The following RNF125 variants were observed in gnomAD, a reference collection of about 807,000 sequenced individuals.
The protein encoded by RNF125 is E3 ubiquitin-protein ligase RNF125.
RNF125 carries 21 observed loss-of-function variants against 26.0 expected under a neutral mutation model. That is an observed-to-expected ratio of 0.81 (90% confidence interval 0.57 to 1.16). The LOEUF (loss-of-function observed/expected upper bound fraction) is 1.16. Among genes scored for constraint, RNF125 ranks in the 50% most tolerant of loss-of-function variants. The pLI, the probability that RNF125 is intolerant of heterozygous loss-of-function variation, is 0.00. For missense variants in RNF125, 270 were observed against 299.4 expected, an observed-to-expected ratio of 0.90 and a Z score of 0.72; for synonymous variants, 95 against 109.2, an observed-to-expected ratio of 0.87 and a Z score of 0.81.
chr18:32,057,206 G>A (rs2039393637), intron 4 of RNF125, among the ~76,000 whole-genome samples: 1 of 152,054 alleles, frequency 6.6e-6, no homozygotes, highest in African/African-American at 2.4e-5. Flanking sequence ...AGTGAATGCA[G>A]AACAGAGGAA....
At chr18:32,024,794 T>C (rs2039017514) in intron 1 of RNF125, among the ~76,000 whole-genome samples, 1 of 152,082 alleles carries the variant, frequency 6.6e-6, no homozygotes, top group African/African-American at 2.4e-5. Context: ...TAAAACTAGC[T>C]TTATTGCTGG....
Position 32,046,276 on chromosome 18 carries a change from T to G in RNF125, c.504+544T>G, listed in dbSNP as rs577857535. Among the ~76,000 whole-genome samples, 332 of 149,496 alleles carry G rather than the reference T, an allele frequency of 2.2e-3. 2 individuals are homozygous for G. The highest frequency in any genetic ancestry group is 7.8e-3 in the African/African-American group (316 of 40,700). ...CTAAGTTTAGTACACTAACTATGGT[T>G]ATAGCCATGTTTAGAACATTTAAAA... On this transcript the variant is annotated intron_variant, in intron 4 of 5. Transcript: ENST00000217740.
At chr18:32,082,903 C>G in the RNF125 span, among the ~76,000 whole-genome samples, 1 of 152,208 alleles carries the variant, frequency 6.6e-6, no homozygotes, top group Admixed American at 6.5e-5. Flanking sequence ...CCCATCCTCT[C>G]TCCCCAAACA....
chr18:32,076,315 TG>T (rs752963726), downstream of RNF125: 13 of 300,800 alleles, frequency 4.3e-5, no homozygotes, highest in African/African-American at 1.3e-4. Context: ...TTTTTTTGGT[TG>T]TTTTTTTGTT....
chr18:32,051,559 G>A (rs927472135), intron 4 of RNF125, among the ~76,000 whole-genome samples: 2 of 141,548 alleles, frequency 1.4e-5, no homozygotes, highest in African/African-American at 2.6e-5. Flanking sequence ...AGGTTGCAGT[G>A]AGCCAAAATC....
In RNF125 at chr18:32,065,967, A is replaced by G; in HGVS notation, c.570A>G (p.Arg190=). 6.2e-7 allele frequency: 1 copy of G among 1,613,108 alleles called. No individual in the cohort carries two copies. The highest frequency in any genetic ancestry group is 8.5e-7 in the Non-Finnish European group (1 of 1,179,090). Residue 190 remains arginine, a synonymous_variant, in exon 5 of 6, where the codon AGA becomes AGG. Coordinates refer to ENST00000217740, the MANE Select transcript of RNF125 (RefSeq NM_017831.4). ...NPSSFSGSLI[R]HLQVSHTLFY... ...GCAGCTTCAGTGGCAGTTTAATAAG[A>G]CATCTGCAAGTTAGTCACACTTTGT... is the stretch of plus-strand genomic sequence containing the variant.
chr18:32,072,752 C>G lies in RNF125; in HGVS notation c.*4368C>G, dbSNP rs145784873. 1.3e-5 allele frequency: 2 copies of G among 152,268 alleles called. No individual in the cohort carries two copies. The highest frequency in any genetic ancestry group is 3.9e-4 in the East Asian group (2 of 5,190). 9.4% of individuals were successfully genotyped at this position (152,268 alleles called of 1,614,324 possible). A position where few individuals can be genotyped will look rare whatever the true frequency, so the allele number is the denominator to read the frequency against. On this transcript the variant is annotated 3_prime_UTR_variant, in exon 6 of 6. Coordinates refer to ENST00000217740, the MANE Select transcript of RNF125 (RefSeq NM_017831.4). ...CTCTTTATAGTGCTTCAGGATACAACTTTTTCAGGGCCTTATTAGAGAAAA... is the reference window on the plus strand; with the variant it reads ...CTCTTTATAGTGCTTCAGGATACAAGTTTTTCAGGGCCTTATTAGAGAAAA...
intron 1 of RNF125, among the ~76,000 whole-genome samples, chr18:32,023,982 A>G (rs2039008962): frequency 6.6e-6 from 1 of 152,174 alleles, no homozygotes; most frequent in African/African-American, 2.4e-5. Context: ...CTAATAAACA[A>G]GTCCATCCAA....
chr18:32,040,292 G>A (rs1484536776), intron 2 of RNF125, among the ~76,000 whole-genome samples: 1 of 95,062 alleles, frequency 1.1e-5, no homozygotes, highest in African/African-American at 4.3e-5. Context: ...TTTTTTTTGA[G>A]ACAGAGTCTT....
intron 1 of RNF125, among the ~76,000 whole-genome samples, chr18:32,019,515 T>C (rs2144420312): frequency 6.6e-6 from 1 of 152,342 alleles, no homozygotes; most frequent in Non-Finnish European, 1.5e-5. Flanking sequence ...TTGCTGGAGC[T>C]GTGCACGTGT....
At chr18:32,047,185 C>T (rs983695063) in intron 4 of RNF125, among the ~76,000 whole-genome samples, 10 of 152,128 alleles carry the variant, frequency 6.6e-5, no homozygotes, top group Admixed American at 4.6e-4. Flanking sequence ...TACAGGCGTG[C>T]GCCACCATGC....
At chr18:32,039,358 T>G (rs892112828) in intron 2 of RNF125, among the ~76,000 whole-genome samples, 3 of 151,968 alleles carry the variant, frequency 2.0e-5, no homozygotes, top group Admixed American at 6.6e-5. Flanking sequence ...ATCGTGCCAC[T>G]GCACTCCAGC....
At chr18:32,052,765 G>C (rs2039341566) in intron 4 of RNF125, among the ~76,000 whole-genome samples, 1 of 152,078 alleles carries the variant, frequency 6.6e-6, no homozygotes, top group South Asian at 2.1e-4. Context: ...TCTTGGAATG[G>C]CTGTAACATG....
At chr18:32,032,921 A>T (rs939321276) in intron 1 of RNF125, among the ~76,000 whole-genome samples, 8 of 152,192 alleles carry the variant, frequency 5.3e-5, no homozygotes, top group African/African-American at 1.9e-4. Context: ...TACTCTGAAC[A>T]AGAAAGTTTA....
intron 4 of RNF125, among the ~76,000 whole-genome samples, chr18:32,060,987 C>T (rs1439959711): frequency 6.6e-6 from 1 of 152,156 alleles, no homozygotes; most frequent in African/African-American, 2.4e-5. Context: ...AAGTGAGATC[C>T]CGTTTCAAAA....
chr18:32,020,033 T>TGTGTGTGTGTGTG (rs71384924), intron 1 of RNF125, among the ~76,000 whole-genome samples: 1 of 137,570 alleles, frequency 7.3e-6, no homozygotes, highest in African/African-American at 2.7e-5. Context: ...TGTGTGTGTG[T>TGTGTGTGTGTGTG]TTGAGAGAGA....
intron 1 of RNF125, among the ~76,000 whole-genome samples, chr18:32,029,041 T>TA (rs2039067231): frequency 6.6e-6 from 1 of 152,206 alleles, no homozygotes; most frequent in South Asian, 2.1e-4. Flanking sequence ...TATTATTTCT[T>TA]ATCTCTGTAT....
intron 4 of RNF125, among the ~76,000 whole-genome samples, chr18:32,061,507 C>A (rs888019667): frequency 1.3e-5 from 2 of 152,124 alleles, no homozygotes; most frequent in African/African-American, 4.8e-5. Flanking sequence ...CCAAACTCAT[C>A]CCCTACCACT....
At chr18:32,048,268 A>C in intron 4 of RNF125, among the ~76,000 whole-genome samples, 1 of 151,090 alleles carries the variant, frequency 6.6e-6, no homozygotes, top group Non-Finnish European at 1.5e-5. Context: ...AAAAAAAAAA[A>C]AAAAAAAATT....
Sources: allele counts gnomAD v4.1 joint callset (sites outside exome capture counted in the v4.1 genomes callset), GRCh38; gene constraint gnomAD v4.1.1; transcripts MANE v1.5; gene names NCBI Gene and HGNC (gene_info 2026-07-23, HGNC 2026-07-21).